GALNT13: variants seen among roughly 807,000 people sequenced by gnomAD.
The protein encoded by GALNT13 is UDP-GalNAc:polypeptide N-acetylgalactosaminyltransferase 13.
A neutral mutation model predicts 64.2 loss-of-function variants in GALNT13; 28 were observed. The observed-to-expected ratio is 0.44, with a 90% CI of 0.32 to 0.60. The LOEUF is 0.60. Among genes scored for constraint, GALNT13 ranks in the 20% least tolerant of loss-of-function variants. The pLI, the probability that GALNT13 is intolerant of heterozygous loss-of-function variation, is 0.05. For missense variants in GALNT13, 577 were observed against 669.8 expected, an observed-to-expected ratio of 0.86 and a Z score of 1.53; for synonymous variants, 214 against 224.6, an observed-to-expected ratio of 0.95 and a Z score of 0.42.
At chr2:153,741,189 T>C in the GALNT13 span, among the ~76,000 whole-genome samples, 247 of 152,230 alleles carry the variant, frequency 1.6e-3, no homozygotes, top group African/African-American at 5.7e-3. Context: ...TTTTTTTTTC[T>C]GGATTACTGT....
chr2:153,196,132 C>T, the GALNT13 span, among the ~76,000 whole-genome samples: 767 of 152,266 alleles, frequency 5.0e-3, 5 homozygotes, highest in African/African-American at 0.017. Context: ...GTTCCCACTC[C>T]GGTTCCCATC....
At chr2:153,573,460 A>G in the GALNT13 span, among the ~76,000 whole-genome samples, 1 of 152,012 alleles carries the variant, frequency 6.6e-6, no homozygotes, top group Non-Finnish European at 1.5e-5. Flanking sequence ...ATTATGAACA[A>G]GTAAGGACTT....
the GALNT13 span, among the ~76,000 whole-genome samples, chr2:153,169,945 C>T: frequency 6.6e-6 from 1 of 152,142 alleles, no homozygotes. Context: ...TATGTAACTG[C>T]CCTTATCCAA....
rs192312618 is a variant in GALNT13 at position 154,312,756 on chromosome 2, C to T, written c.1156+11167C>T. On this transcript the variant is annotated intron_variant, in intron 9 of 12. Coordinates refer to ENST00000392825, the MANE Select transcript of GALNT13 (RefSeq NM_052917.4). Reference sequence around the variant, plus strand: ...TGAGTTGAACAAAATTGATGTTTTGCTTGTTTGTTTGATTTTTAGTAAAGT... The same window carrying T: ...TGAGTTGAACAAAATTGATGTTTTGTTTGTTTGTTTGATTTTTAGTAAAGT... Among the ~76,000 whole-genome samples, 60 of 152,078 alleles carry T rather than the reference C, an allele frequency of 3.9e-4. 1 individual carries two copies. In the East Asian group the frequency reaches 0.011, roughly 28 times the overall value.
At chr2:154,043,455 T>TATATATATACACACAC (rs1341373277) in intron 3 of GALNT13, among the ~76,000 whole-genome samples, 1 of 105,014 alleles carries the variant, frequency 9.5e-6, no homozygotes, top group African/African-American at 4.0e-5. Context: ...TATATATATA[T>TATATATATACACACAC]ACACACATGT....
chr2:154,220,902 G>A (rs894054798), intron 4 of GALNT13, among the ~76,000 whole-genome samples: 3 of 151,992 alleles, frequency 2.0e-5, no homozygotes, highest in Non-Finnish European at 4.4e-5. Flanking sequence ...TAATTCTCCA[G>A]ACTGTCACCT....
At chr2:153,598,366 GC>G in the GALNT13 span, among the ~76,000 whole-genome samples, 1 of 145,038 alleles carries the variant, frequency 6.9e-6, no homozygotes. Flanking sequence ...TCTTCAAAAA[GC>G]TTTTACCCAG....
intron 4 of GALNT13, among the ~76,000 whole-genome samples, chr2:154,176,123 G>C (rs541410068): frequency 6.6e-6 from 1 of 151,946 alleles, no homozygotes; most frequent in Non-Finnish European, 1.5e-5. Flanking sequence ...AGACACAAAA[G>C]AGAGAACATA....
chr2:153,373,598 A>G, the GALNT13 span, among the ~76,000 whole-genome samples: 65 of 152,192 alleles, frequency 4.3e-4, no homozygotes, highest in African/African-American at 1.5e-3. Context: ...AACATTTACT[A>G]CTTCACCCAC....
Position 154,236,014 on chromosome 2 carries a change from G to A in GALNT13, c.312-6016G>A, listed in dbSNP as rs1302422052. The A allele has an allele frequency of 3.4e-6, 4 of 1,187,780 alleles. No individual in the cohort carries two copies. The African/African-American group carries it at 6.3e-5, about 19-fold the overall frequency. The allele number at this position is 1,187,780 out of a possible 1,614,324, so 73.6% of individuals were successfully genotyped here. On this transcript the variant is annotated intron_variant, in intron 4 of 12. Coordinates refer to ENST00000392825, the MANE Select transcript of GALNT13 (RefSeq NM_052917.4). ...TATTCTTTCCAAAGTAGATCAGCTG[G>A]ATTTATTTTTTATATATTTATAAAT...
the GALNT13 span, among the ~76,000 whole-genome samples, chr2:153,696,209 C>G: frequency 6.6e-6 from 1 of 152,112 alleles, no homozygotes; most frequent in South Asian, 2.1e-4. Flanking sequence ...TGGTGTAAGT[C>G]CAAGAGTCCA....
rs180977477 is a variant in GALNT13 at position 154,217,826 on chromosome 2, A to G, written c.312-24204A>G. The stretch of plus-strand genomic sequence containing the variant: ...ATGCTGTCCTCACAAAACATATTTT[A>G]AGATGTATTTTCAAAAGAGTGTGTG... On this transcript the variant is annotated intron_variant, in intron 4 of 12. Transcript: ENST00000392825. Among the ~76,000 whole-genome samples, 29 of 152,286 alleles carry G rather than the reference A, an allele frequency of 1.9e-4. No individual in the cohort carries two copies. In the East Asian group the frequency reaches 5.4e-3, roughly 28 times the overall value.
chr2:154,221,556 T>C (rs1364548654), intron 4 of GALNT13, among the ~76,000 whole-genome samples: 1 of 152,076 alleles, frequency 6.6e-6, no homozygotes, highest in South Asian at 2.1e-4. Context: ...ATCTTGAATT[T>C]GTAATAATTT....
chr2:153,853,686 AT>A, the GALNT13 span, among the ~76,000 whole-genome samples: 5 of 151,088 alleles, frequency 3.3e-5, no homozygotes, highest in South Asian at 6.2e-4. Flanking sequence ...TATAAATATA[AT>A]TATACAATTG....
chr2:154,305,270 A>AT (rs1453196070), intron 9 of GALNT13, among the ~76,000 whole-genome samples: 1 of 151,910 alleles, frequency 6.6e-6, no homozygotes, highest in Non-Finnish European at 1.5e-5. Context: ...CACTTTGGGA[A>AT]TGGGTGAGTT....
chr2:153,564,768 T>C, the GALNT13 span, among the ~76,000 whole-genome samples: 1 of 152,158 alleles, frequency 6.6e-6, no homozygotes, highest in African/African-American at 2.4e-5. Context: ...GCTTGACTCC[T>C]TGTGTCGAAA....
chr2:153,321,528 C>G, the GALNT13 span, among the ~76,000 whole-genome samples: 42 of 152,322 alleles, frequency 2.8e-4, no homozygotes, highest in East Asian at 7.9e-3. Flanking sequence ...CTATCACCTT[C>G]ATTTTTCCAC....
At chr2:154,106,967 A>G (rs1702651498) in intron 3 of GALNT13, among the ~76,000 whole-genome samples, 2 of 152,156 alleles carry the variant, frequency 1.3e-5, no homozygotes, top group African/African-American at 2.4e-5. Context: ...AATGTCTTCC[A>G]TTAGAGAGTG....
chr2:153,333,770 T>C, the GALNT13 span, among the ~76,000 whole-genome samples: 4 of 152,210 alleles, frequency 2.6e-5, no homozygotes, highest in Non-Finnish European at 1.5e-5. Flanking sequence ...TCTTCAAATA[T>C]TTGTACCGCA....
Sources: allele counts gnomAD v4.1 joint callset (sites outside exome capture counted in the v4.1 genomes callset), GRCh38; gene constraint gnomAD v4.1.1; transcripts MANE v1.5; gene names NCBI Gene and HGNC (gene_info 2026-07-23, HGNC 2026-07-21).